PARD3B: variants seen among roughly 807,000 people sequenced by gnomAD.
The protein encoded by PARD3B is partitioning defective 3 homolog B.
In PARD3B, 103 loss-of-function variants were observed where a neutral mutation model predicts 130.2. The ratio of observed to expected loss-of-function variants is 0.79; its 90% CI spans 0.67 to 0.93. PARD3B has a LOEUF of 0.93. PARD3B is among the 40% of genes least tolerant of loss of function. PARD3B has a pLI of 0.00. For synonymous variants in PARD3B, 583 were observed against 553.2 expected, an observed-to-expected ratio of 1.05 and a Z score of -0.76; for missense variants, 1,609 against 1,499.2, an observed-to-expected ratio of 1.07 and a Z score of -1.21.
intron 4 of PARD3B, among the ~76,000 whole-genome samples, chr2:205,050,370 GTGTTTATT>G (rs1419984237): frequency 1.3e-5 from 2 of 151,828 alleles, no homozygotes; most frequent in African/African-American, 2.4e-5. Flanking sequence ...ACACTTAGGT[GTGTTTATT>G]TTTACTAGAA....
chr2:205,192,990 G>T (rs909531167), intron 14 of PARD3B, among the ~76,000 whole-genome samples: 4 of 152,148 alleles, frequency 2.6e-5, no homozygotes, highest in African/African-American at 4.8e-5. Context: ...ATTGCCCAGA[G>T]AATATTTTAT....
At chr2:205,245,932 A>C in intron 16 of PARD3B, 110 bp downstream of exon 16, 2 of 874,264 alleles carry the variant, frequency 2.3e-6, no homozygotes, top group Non-Finnish European at 3.8e-6. Flanking sequence ...AGGCTTTCTA[A>C]TTAATACATG....
At chr2:204,561,266 G>A (rs991588220) in intron 1 of PARD3B, among the ~76,000 whole-genome samples, 6 of 152,204 alleles carry the variant, frequency 3.9e-5, no homozygotes, top group African/African-American at 1.4e-4. Context: ...GAACAACCTG[G>A]TGCTCAGAAA....
chr2:205,420,781 G>C (rs542534815), intron 19 of PARD3B, among the ~76,000 whole-genome samples: 2 of 152,274 alleles, frequency 1.3e-5, no homozygotes, highest in East Asian at 3.9e-4. Context: ...TTTGCAAGCA[G>C]GTCACCGTAA....
chr2:204,806,185 C>T (rs2042762556), intron 2 of PARD3B, among the ~76,000 whole-genome samples: 1 of 151,746 alleles, frequency 6.6e-6, no homozygotes, highest in African/African-American at 2.4e-5. Flanking sequence ...TAGTCAAAGA[C>T]ATCTGGAACA....
rs1701188566 is a variant in PARD3B, at chr2:205,078,140, A to C, written c.505-26286A>C. ...AAGGTGATTTATGTAATTAAGAGTG[A>C]GATATAGTTTATTTATGAAAAGGTG... On this transcript the variant is annotated intron_variant, in intron 4 of 22. Transcript: ENST00000406610. This position sits in a 1 kb window ranked among gnomAD's most constrained non-coding sequence, Gnocchi z 4.0. 6.6e-6 allele frequency among the ~76,000 whole-genome samples: 1 copy of C among 152,188 alleles called. No homozygotes were observed. The highest frequency in any genetic ancestry group is 1.5e-5 in the Non-Finnish European group (1 of 68,020).
chr2:204,833,577 T>G (rs958941664), intron 2 of PARD3B, among the ~76,000 whole-genome samples: 2 of 152,064 alleles, frequency 1.3e-5, no homozygotes, highest in Non-Finnish European at 2.9e-5. Context: ...ATCATGGGTG[T>G]GGGTCTTTCC....
In PARD3B at chr2:205,338,052, G is replaced by T. The variant is rs1239447218; in HGVS notation, c.2630+36351G>T. On this transcript the variant is annotated intron_variant, in intron 18 of 22. Coordinates refer to ENST00000406610, the MANE Select transcript of PARD3B (RefSeq NM_001302769.2). ...ACCTGTAATCCCAGCTACTCGGGAG[G>T]CTGAGGCAGAGAATTGCTTCAACTC... Among the ~76,000 whole-genome samples the T allele has an allele frequency of 2.6e-5, 4 of 151,408 alleles. No individual in the cohort carries two copies. In the South Asian group the frequency reaches 6.3e-4, roughly 24 times the overall value.
intron 16 of PARD3B, among the ~76,000 whole-genome samples, chr2:205,267,003 A>G (rs1352667502): frequency 1.3e-5 from 2 of 152,176 alleles, no homozygotes; most frequent in Non-Finnish European, 2.9e-5. Context: ...CAATAAAAGA[A>G]AAAAAGGCAT....
intron 11 of PARD3B, among the ~76,000 whole-genome samples, chr2:205,168,320 A>AGAGAGTGTGTGTGTGT (rs371904121): frequency 8.3e-6 from 1 of 119,766 alleles, no homozygotes; most frequent in Non-Finnish European, 1.7e-5. Context: ...AGAGAGAGAG[A>AGAGAGTGTGTGTGTGT]GTGTGTGTGT....
chr2:204,872,478 AT>A (rs1409962913), intron 2 of PARD3B, among the ~76,000 whole-genome samples: 1 of 152,060 alleles, frequency 6.6e-6, no homozygotes, highest in Non-Finnish European at 1.5e-5. Flanking sequence ...GAGGAAAGGT[AT>A]TCATTTTTTG....
intron 2 of PARD3B, among the ~76,000 whole-genome samples, chr2:204,822,452 A>G (rs749122410): frequency 6.6e-6 from 1 of 152,210 alleles, no homozygotes; most frequent in Non-Finnish European, 1.5e-5. Flanking sequence ...GTTTAGCTTT[A>G]TTTTGGCAGT....
intron 18 of PARD3B, among the ~76,000 whole-genome samples, chr2:205,395,835 C>A (rs986926679): frequency 2.0e-5 from 3 of 152,226 alleles, no homozygotes; most frequent in Admixed American, 6.5e-5. Flanking sequence ...ATCACTTCTG[C>A]TCAAAACACT....
chr2:205,350,229 A>T (rs557691269), intron 18 of PARD3B, among the ~76,000 whole-genome samples: 2 of 152,342 alleles, frequency 1.3e-5, no homozygotes, highest in Non-Finnish European at 1.5e-5. Flanking sequence ...TCTCAGGTAT[A>T]TGTAGGATTT....
chr2:205,064,264 G>A (rs768019901), intron 4 of PARD3B, among the ~76,000 whole-genome samples: 3 of 152,096 alleles, frequency 2.0e-5, no homozygotes, highest in Non-Finnish European at 2.9e-5. Context: ...TACATCTTGG[G>A]AAGTGAGAGA....
At chr2:205,445,090 C>G (rs1228939571) in intron 20 of PARD3B, among the ~76,000 whole-genome samples, 4 of 152,100 alleles carry the variant, frequency 2.6e-5, no homozygotes, top group Non-Finnish European at 5.9e-5. Context: ...TATTTCAGAG[C>G]TAACAAGAGA....
intron 2 of PARD3B, among the ~76,000 whole-genome samples, chr2:204,951,228 A>G (rs1036160729): frequency 5.3e-5 from 8 of 152,054 alleles, no homozygotes; most frequent in Admixed American, 2.0e-4. Flanking sequence ...AGGTCTAGAC[A>G]TTTTCATTAT....
chr2:204,675,159 A>T lies in PARD3B; in HGVS notation c.121-11022A>T, dbSNP rs1400844934. On this transcript the variant is annotated intron_variant, in intron 1 of 22. Coordinates refer to ENST00000406610, the MANE Select transcript of PARD3B (RefSeq NM_001302769.2). The surrounding 1 kb of genome is among the most constrained non-coding windows in gnomAD (Gnocchi z 4.4). ...ACAAATAATGGAAAACAGGATTTTTAAAAAATCAGCTGTTTTCTTTAAAAT... is the reference window on the plus strand; with the variant it reads ...ACAAATAATGGAAAACAGGATTTTTTAAAAATCAGCTGTTTTCTTTAAAAT... Among the ~76,000 whole-genome samples, 3 of 152,158 alleles carry T rather than the reference A, an allele frequency of 2.0e-5. No homozygotes were observed. Among genetic ancestry groups the T allele is most frequent in the South Asian group, 2.1e-4 (1 of 4,832 alleles).
intron 3 of PARD3B, among the ~76,000 whole-genome samples, chr2:204,982,030 AC>A (rs1028621667): frequency 1.3e-5 from 2 of 152,310 alleles, no homozygotes; most frequent in African/African-American, 4.8e-5. Context: ...TTATGTAACC[AC>A]CAAAAAAGTC....
Sources: gnomAD v4.1 joint callset for allele counts (sites outside exome capture counted in the v4.1 genomes callset) on GRCh38, gnomAD v4.1.1 for gene constraint, Gnocchi (gnomAD v3.1) non-coding constraint, MANE v1.5 for transcripts, NCBI Gene and HGNC (gene_info 2026-07-23, HGNC 2026-07-21) for gene names.